The following C8orf34 variants were observed in gnomAD, a reference collection of about 807,000 sequenced individuals.
The protein encoded by C8orf34 is chromosome 8 open reading frame 34, also known as uncharacterized protein C8orf34.
C8orf34 carries 65 observed loss-of-function variants against 68.3 expected under a neutral mutation model. That is an observed-to-expected ratio of 0.95 (90% CI 0.78 to 1.17). The LOEUF is 1.17. C8orf34 is among the 50% of genes most tolerant of loss of function. C8orf34 has a pLI of 0.00. For missense variants in C8orf34, 664 were observed against 655.4 expected (o/e 1.01, Z -0.14); for synonymous variants, 244 against 241.2 (o/e 1.01, Z -0.11).
At position 68,810,159 on chromosome 8, in the gene C8orf34, G is replaced by A. The variant is rs537481873; in HGVS notation, c.1550-5727G>A. Among the ~76,000 whole-genome samples, 6 of 152,114 alleles carry A rather than the reference G, an allele frequency of 3.9e-5. No homozygotes were observed. In the South Asian group the frequency reaches 6.2e-4, roughly 16 times the overall value. ...TGGCCTGGCAGGCTGTGCTTGGCTC[G>A]TGCTACCCTCCCAGATCCCATGCCT... is the stretch of plus-strand genomic sequence containing the variant. On this transcript the variant is annotated intron_variant, in intron 12 of 13. Transcript: ENST00000518698.
chr8:68,790,192 G>A (rs187196580), intron 12 of C8orf34, among the ~76,000 whole-genome samples: 2 of 152,256 alleles, frequency 1.3e-5, no homozygotes, highest in African/African-American at 2.4e-5. Flanking sequence ...TTCAGTCAAC[G>A]CATGTGGTTT....
At chr8:68,456,149 G>C (rs189029991) in intron 3 of C8orf34, among the ~76,000 whole-genome samples, 9 of 151,008 alleles carry the variant, frequency 6.0e-5, no homozygotes, top group Admixed American at 5.9e-4. Flanking sequence ...CCACCTACTC[G>C]GGAGGCTGAG....
chr8:68,382,801 T>C (rs1237223201), intron 1 of C8orf34, among the ~76,000 whole-genome samples: 2 of 152,356 alleles, frequency 1.3e-5, no homozygotes, highest in East Asian at 3.9e-4. Context: ...AAAGATTCTA[T>C]GGATTCCAAC....
chr8:68,485,962 CT>C (rs1361970481), intron 4 of C8orf34, among the ~76,000 whole-genome samples: 1 of 151,462 alleles, frequency 6.6e-6, no homozygotes, highest in African/African-American at 2.4e-5. Flanking sequence ...TGGAAAGGAA[CT>C]TTTTTTGTAG....
Position 68,591,916 on chromosome 8 carries a change from A to G in C8orf34, c.1106-48460A>G, listed in dbSNP as rs559202559. 3.7e-4 allele frequency among the ~76,000 whole-genome samples: 56 copies of G among 152,314 alleles called. 1 individual carries two copies. In the Middle Eastern group the frequency reaches 0.014, roughly 37 times the overall value. ...ATGAACTCCGCTGTCTTTCATGAGT[A>G]AGATATTTTGTTTGTTCTTAAATTG... is the stretch of plus-strand genomic sequence containing the variant. On this transcript the variant is annotated intron_variant, in intron 7 of 13. Transcript: ENST00000518698.
intron 8 of C8orf34, among the ~76,000 whole-genome samples, chr8:68,673,361 C>T (rs2130849380): frequency 1.3e-5 from 2 of 152,180 alleles, no homozygotes; most frequent in Middle Eastern, 6.8e-3. Flanking sequence ...GGCGTGTGCT[C>T]TTGGATGGCA....
chr8:68,549,718 G>A (rs7817473), intron 7 of C8orf34, among the ~76,000 whole-genome samples: 1,542 of 151,790 alleles, frequency 0.01, 36 homozygotes, highest in African/African-American at 0.034. Context: ...AATTATAATA[G>A]TAGATTTATC....
intron 8 of C8orf34, among the ~76,000 whole-genome samples, chr8:68,675,205 A>T (rs1274901849): frequency 6.6e-6 from 1 of 152,304 alleles, no homozygotes; most frequent in East Asian, 1.9e-4. Flanking sequence ...AAACAAACAA[A>T]CAAACAAAAA....
chr8:68,413,065 C>T (rs1435012075), intron 1 of C8orf34, among the ~76,000 whole-genome samples: 2 of 152,202 alleles, frequency 1.3e-5, no homozygotes, highest in African/African-American at 4.8e-5. Context: ...CAGCTGAACA[C>T]GGTTGGGAGG....
intron 12 of C8orf34, among the ~76,000 whole-genome samples, chr8:68,805,395 G>T (rs189972395): frequency 6.6e-6 from 1 of 152,190 alleles, no homozygotes; most frequent in Non-Finnish European, 1.5e-5. Flanking sequence ...TCTTCTTACT[G>T]TATGTTTTGG....
At chr8:68,404,661 G>C (rs902286218) in intron 1 of C8orf34, among the ~76,000 whole-genome samples, 1 of 152,084 alleles carries the variant, frequency 6.6e-6, no homozygotes, top group South Asian at 2.1e-4. Flanking sequence ...TTTTTGTCAG[G>C]TTTGTCAAAG....
chr8:68,671,587 T>C (rs1820012233), intron 8 of C8orf34, among the ~76,000 whole-genome samples: 1 of 152,224 alleles, frequency 6.6e-6, no homozygotes, highest in African/African-American at 2.4e-5. Flanking sequence ...AGAGCCCACA[T>C]TGCAATTGTC....
At chr8:68,377,327 C>A (rs1166832070) in intron 1 of C8orf34, among the ~76,000 whole-genome samples, 1 of 151,890 alleles carries the variant, frequency 6.6e-6, no homozygotes, top group Admixed American at 6.6e-5. Context: ...GAGCCCAGGA[C>A]GTTGAGGCTG....
At chr8:68,720,622 GA>G (rs1455641425) in intron 9 of C8orf34, among the ~76,000 whole-genome samples, 3 of 151,366 alleles carry the variant, frequency 2.0e-5, no homozygotes, top group African/African-American at 7.3e-5. Context: ...TGAAAAGAAG[GA>G]GTTCAAACTC....
intron 7 of C8orf34, among the ~76,000 whole-genome samples, chr8:68,573,915 G>C (rs574960277): frequency 6.6e-6 from 1 of 152,164 alleles, no homozygotes; most frequent in East Asian, 1.9e-4. Flanking sequence ...AATATCTATG[G>C]TGAAATAAAT....
intron 7 of C8orf34, among the ~76,000 whole-genome samples, chr8:68,636,170 G>A (rs1298364720): frequency 6.6e-6 from 1 of 152,114 alleles, no homozygotes; most frequent in Non-Finnish European, 1.5e-5. Flanking sequence ...GCTTTCTCCA[G>A]TTGGTTCTGA....
Position 68,765,580 on chromosome 8 carries a change from C to G in C8orf34, c.1405-10819C>G, listed in dbSNP as rs143098401. Among the ~76,000 whole-genome samples the G allele has an allele frequency of 4.0e-3, 606 of 152,248 alleles. 3 individuals are homozygous for G. The highest frequency in any genetic ancestry group is 0.013 in the African/African-American group (544 of 41,558). On this transcript the variant is annotated intron_variant, in intron 10 of 13. Coordinates refer to ENST00000518698, the MANE Select transcript of C8orf34 (RefSeq NM_052958.4). ...CACTATTTTCTGATTCCAAGTCACT[C>G]TCTTATATATTTGGAGGTCACTTCT...
chr8:68,791,053 C>G, intron 12 of C8orf34: 1 of 586,368 alleles, frequency 1.7e-6, no homozygotes, highest in South Asian at 2.2e-5. Flanking sequence ...AAAAGGAAGG[C>G]TAAAATTTGA....
chr8:68,801,651 C>G (rs1174928910), intron 12 of C8orf34, among the ~76,000 whole-genome samples: 1 of 152,144 alleles, frequency 6.6e-6, no homozygotes, highest in Non-Finnish European at 1.5e-5. Flanking sequence ...CAAATATACT[C>G]TATAGTGTTG....
Sources: gnomAD v4.1 joint callset for allele counts (sites outside exome capture counted in the v4.1 genomes callset) on GRCh38, gnomAD v4.1.1 for gene constraint, MANE v1.5 for transcripts, NCBI Gene and HGNC (gene_info 2026-07-23, HGNC 2026-07-21) for gene names.